Variants in PAN3 observed in about 807,000 individuals in gnomAD.
PAN3 encodes the protein poly(A) specific ribonuclease subunit PAN3.
PAN3 carries 19 observed loss-of-function variants against 96.2 expected under a neutral mutation model. That is an observed-to-expected ratio of 0.20 (90% CI 0.14 to 0.29). The LOEUF (loss-of-function observed/expected upper bound fraction) is 0.29, where lower values mean the gene tolerates loss of function less well. Among genes scored for constraint, PAN3 ranks in the 10% least tolerant of loss-of-function variants. PAN3 has a pLI of 1.00. For missense variants in PAN3, 882 were observed against 1,108.1 expected, an observed-to-expected ratio of 0.80 and a Z score of 2.90; for synonymous variants, 433 against 406.6, an observed-to-expected ratio of 1.06 and a Z score of -0.78.
At chr13:28,202,047 C>G (rs773270465) in intron 5 of PAN3, among the ~76,000 whole-genome samples, 8 of 151,466 alleles carry the variant, frequency 5.3e-5, no homozygotes, top group African/African-American at 1.2e-4. Context: ...TTCATTCTAC[C>G]TCTTATTTTT....
chr13:28,150,189 A>G (rs1196954132), intron 1 of PAN3, among the ~76,000 whole-genome samples: 2 of 152,178 alleles, frequency 1.3e-5, no homozygotes, highest in Non-Finnish European at 2.9e-5. Context: ...TGCTGTGACA[A>G]TATGTCAGCT....
chr13:28,235,680 T>TACACACACACACACAC (rs1555285712), intron 6 of PAN3, among the ~76,000 whole-genome samples: 1 of 109,538 alleles, frequency 9.1e-6, no homozygotes, highest in African/African-American at 4.3e-5. Context: ...CTTTCTCTAA[T>TACACACACACACACAC]ATACACACAC....
At chr13:28,227,122 T>A (rs1882088143) in intron 6 of PAN3, among the ~76,000 whole-genome samples, 1 of 152,166 alleles carries the variant, frequency 6.6e-6, no homozygotes, top group South Asian at 2.1e-4. Context: ...TGTAGAATCA[T>A]AACAGGGTTG....
chr13:28,289,464 T>TA (rs1869429104), intron 18 of PAN3, among the ~76,000 whole-genome samples: 2 of 152,256 alleles, frequency 1.3e-5, no homozygotes, highest in African/African-American at 4.8e-5. Context: ...TTTTGGTCGA[T>TA]ACGGGATTTC....
chr13:28,207,519 G>T (rs1879516245), intron 5 of PAN3, among the ~76,000 whole-genome samples: 1 of 152,186 alleles, frequency 6.6e-6, no homozygotes, highest in South Asian at 2.1e-4. Context: ...GTGGTACCAT[G>T]TAGCTACCAT....
intron 5 of PAN3, among the ~76,000 whole-genome samples, chr13:28,201,055 G>A (rs1296619330): frequency 6.3e-5 from 9 of 141,870 alleles, no homozygotes; most frequent in Non-Finnish European, 6.1e-5. Context: ...TTTTTTTTTC[G>A]AGACAGGGTC....
intron 4 of PAN3, among the ~76,000 whole-genome samples, chr13:28,181,127 T>C (rs1352219430): frequency 6.6e-6 from 1 of 152,202 alleles, no homozygotes; most frequent in Non-Finnish European, 1.5e-5. Context: ...ACTCTAATTC[T>C]TCTTCATTCT....
chr13:28,289,977 GA>G (rs1869542168), intron 18 of PAN3, among the ~76,000 whole-genome samples: 1 of 152,244 alleles, frequency 6.6e-6, no homozygotes, highest in Admixed American at 6.5e-5. Context: ...ATGAAGTTTA[GA>G]ACTGGTCTCC....
intron 5 of PAN3, among the ~76,000 whole-genome samples, chr13:28,211,233 T>C (rs1351244571): frequency 6.6e-6 from 1 of 152,148 alleles, no homozygotes; most frequent in Non-Finnish European, 1.5e-5. Context: ...TTTAGATCAC[T>C]TTAACAAGGC....
intron 2 of PAN3, among the ~76,000 whole-genome samples, chr13:28,176,213 G>C (rs1593413311): frequency 6.6e-6 from 1 of 152,198 alleles, no homozygotes; most frequent in Non-Finnish European, 1.5e-5. Flanking sequence ...AGGAAACTTA[G>C]TTATGTGTTT....
chr13:28,197,682 G>A (rs960942638), intron 5 of PAN3, among the ~76,000 whole-genome samples: 1 of 151,850 alleles, frequency 6.6e-6, no homozygotes, highest in African/African-American at 2.4e-5. Context: ...AAGATACCAT[G>A]CCTCAGCCTC....
At chr13:28,224,565 C>T (rs533112767) in intron 6 of PAN3, among the ~76,000 whole-genome samples, 2 of 152,082 alleles carry the variant, frequency 1.3e-5, no homozygotes, top group Non-Finnish European at 2.9e-5. Flanking sequence ...AATATTCATT[C>T]CTTCAAGATG....
At chr13:28,216,992 T>G (rs1880855453) in intron 5 of PAN3, among the ~76,000 whole-genome samples, 2 of 151,626 alleles carry the variant, frequency 1.3e-5, no homozygotes, top group South Asian at 4.2e-4. Context: ...CGGGCGCCTG[T>G]AATCCCAGCT....
intron 6 of PAN3, among the ~76,000 whole-genome samples, chr13:28,246,247 T>A (rs1884172976): frequency 6.6e-6 from 1 of 152,202 alleles, no homozygotes; most frequent in East Asian, 1.9e-4. Context: ...TAAATTTACT[T>A]GTTTGATTTT....
At chr13:28,259,420 C>T (rs1885496390) in intron 7 of PAN3, among the ~76,000 whole-genome samples, 4 of 151,988 alleles carry the variant, frequency 2.6e-5, no homozygotes, top group Admixed American at 2.6e-4. Flanking sequence ...ATTCTCCTGC[C>T]TCAACCTCCC....
chr13:28,289,206 A>T (rs1404472200), intron 18 of PAN3, among the ~76,000 whole-genome samples: 2 of 152,230 alleles, frequency 1.3e-5, no homozygotes, highest in Non-Finnish European at 2.9e-5. Flanking sequence ...TCCAGCTGTT[A>T]TAAATGGTGA....
rs1884379600 is a variant in PAN3 at position 28,248,098 on chromosome 13, A to G, written c.1001-8194A>G. On this transcript the variant is annotated intron_variant, in intron 6 of 18. Coordinates refer to ENST00000380958, the MANE Select transcript of PAN3 (RefSeq NM_175854.8). Reference sequence around the variant, plus strand: ...TGTGTCCTCTTCAGTTTCTTTCATCAGTGTTTTATAGTTTTGCTTGTAGAG... The same window carrying G: ...TGTGTCCTCTTCAGTTTCTTTCATCGGTGTTTTATAGTTTTGCTTGTAGAG... 2.0e-5 allele frequency among the ~76,000 whole-genome samples: 3 copies of G among 152,150 alleles called. No homozygotes were observed. In the South Asian group the frequency reaches 6.2e-4, roughly 32 times the overall value.
Position 28,222,343 on chromosome 13 carries a change from A to G in PAN3, c.1000+1965A>G, listed in dbSNP as rs144552049. On this transcript the variant is annotated intron_variant, in intron 6 of 18. Transcript: ENST00000380958. ...AAATTAGCTGAAAATCTATTCTTCT[A>G]CATAGCCCTAGCATTAAATGGTTAT... Among the ~76,000 whole-genome samples, 23 of 152,294 alleles carry G rather than the reference A, an allele frequency of 1.5e-4. 1 individual carries two copies. The East Asian group carries it at 3.7e-3, about 24-fold the overall frequency.
chr13:28,230,759 A>G (rs965052869), intron 6 of PAN3, among the ~76,000 whole-genome samples: 1 of 148,554 alleles, frequency 6.7e-6, no homozygotes, highest in Non-Finnish European at 1.5e-5. Context: ...GAATTTTTGT[A>G]ATTAATTTTC....
Sources: gnomAD v4.1 joint callset for allele counts (sites outside exome capture counted in the v4.1 genomes callset) on GRCh38, gnomAD v4.1.1 for gene constraint, MANE v1.5 for transcripts, NCBI Gene and HGNC (gene_info 2026-07-23, HGNC 2026-07-21) for gene names.